ANKFN1: variants seen among roughly 807,000 people sequenced by gnomAD.
ANKFN1 encodes ankyrin repeat and fibronectin type III domain containing 1.
Under a neutral mutation model 108.7 loss-of-function variants are expected in ANKFN1, and 74 were observed. The observed-to-expected ratio is 0.68, with a 90% confidence interval of 0.56 to 0.83. ANKFN1 has a LOEUF of 0.83. Ranked by LOEUF, ANKFN1 falls within the 40% of genes least tolerant of loss-of-function variation. The pLI, the probability that ANKFN1 is intolerant of heterozygous loss-of-function variation, is 0.00. For synonymous variants in ANKFN1, 547 were observed against 516.2 expected (o/e 1.06, Z -0.81); for missense variants, 1,505 against 1,382.3 (o/e 1.09, Z -1.41).
At chr17:56,065,350 G>A (rs1483722715) in intron 4 of ANKFN1, among the ~76,000 whole-genome samples, 1 of 152,202 alleles carries the variant, frequency 6.6e-6, no homozygotes, top group Non-Finnish European at 1.5e-5. Context: ...CTCCATATCA[G>A]CAGTAAGGCT....
chr17:56,331,058 TCTAA>T (rs2045649203), intron 4 of ANKFN1, among the ~76,000 whole-genome samples: 1 of 151,930 alleles, frequency 6.6e-6, no homozygotes, highest in African/African-American at 2.4e-5. Flanking sequence ...ATGGAAAGAG[TCTAA>T]CTTTCTTTTC....
chr17:56,166,188 T>A (rs1910116209), intron 1 of ANKFN1, among the ~76,000 whole-genome samples: 1 of 152,196 alleles, frequency 6.6e-6, no homozygotes, highest in Non-Finnish European at 1.5e-5. Context: ...CATGTGACCT[T>A]GGAAGAGCTA....
Position 56,373,631 on chromosome 17 carries a change from A to G in ANKFN1, c.796+791A>G, listed in dbSNP as rs899532499. 2.0e-5 allele frequency among the ~76,000 whole-genome samples: 3 copies of G among 152,232 alleles called. No individual in the cohort carries two copies. In the East Asian group the frequency reaches 5.8e-4, roughly 29 times the overall value. On this transcript the variant is annotated intron_variant, in intron 7 of 20. Coordinates refer to ENST00000682825, the MANE Select transcript of ANKFN1 (RefSeq NM_001370326.1). ...TTAGTTGTGATGTAGACAAAGACCAAAGACAGTGATGATGTTTTCTTAAGT... is the reference window on the plus strand; with the variant it reads ...TTAGTTGTGATGTAGACAAAGACCAGAGACAGTGATGATGTTTTCTTAAGT...
intron 1 of ANKFN1, among the ~76,000 whole-genome samples, chr17:56,160,316 A>C (rs1909531695): frequency 6.6e-6 from 1 of 152,240 alleles, no homozygotes; most frequent in Admixed American, 6.5e-5. Flanking sequence ...GATAAAAATT[A>C]CAAACTCTGC....
At chr17:56,470,188 T>C (rs144267068) in intron 15 of ANKFN1, among the ~76,000 whole-genome samples, 205 of 152,348 alleles carry the variant, frequency 1.3e-3, no homozygotes, top group African/African-American at 4.7e-3. Context: ...CAGTCTATCA[T>C]TGATGGGCAT....
At chr17:56,414,002 T>C (rs560342569) in intron 8 of ANKFN1, among the ~76,000 whole-genome samples, 15 of 152,270 alleles carry the variant, frequency 9.9e-5, no homozygotes, top group African/African-American at 1.4e-4. Flanking sequence ...TTCATTTGTA[T>C]AGGTTGAACC....
At chr17:56,074,181 T>C (rs1041383716) in intron 4 of ANKFN1, among the ~76,000 whole-genome samples, 20 of 152,218 alleles carry the variant, frequency 1.3e-4, no homozygotes, top group Non-Finnish European at 1.9e-4. Context: ...GGATAAAATA[T>C]GCAGGGATTT....
intron 8 of ANKFN1, among the ~76,000 whole-genome samples, chr17:56,423,510 G>T (rs2048472237): frequency 6.6e-6 from 1 of 152,164 alleles, no homozygotes. Context: ...CTTCAGCATT[G>T]CGTACAAGGC....
intron 3 of ANKFN1, among the ~76,000 whole-genome samples, chr17:56,312,351 G>A (rs2045054828): frequency 6.6e-6 from 1 of 152,150 alleles, no homozygotes; most frequent in African/African-American, 2.4e-5. Context: ...TGCCTATCTA[G>A]TCTAGACCCA....
At chr17:56,115,961 C>T (rs1373416284) in intron 4 of ANKFN1, among the ~76,000 whole-genome samples, 2 of 152,170 alleles carry the variant, frequency 1.3e-5, no homozygotes, top group African/African-American at 4.8e-5. Flanking sequence ...TAGAGGACAA[C>T]ACTGAATGTT....
At chr17:56,503,510 T>TATAG (rs2051449084) in intron 20 of ANKFN1, among the ~76,000 whole-genome samples, 1 of 136,496 alleles carries the variant, frequency 7.3e-6, no homozygotes, top group Non-Finnish European at 1.5e-5. Flanking sequence ...TATATATATA[T>TATAG]ATATATATAT....
At chr17:56,324,926 G>T (rs1194611187) in intron 3 of ANKFN1, among the ~76,000 whole-genome samples, 1 of 152,214 alleles carries the variant, frequency 6.6e-6, no homozygotes, top group Admixed American at 6.5e-5. Context: ...ACCTGTTGGG[G>T]GTGAGCGAGC....
At chr17:56,205,064 G>A (rs890680052) in intron 1 of ANKFN1, among the ~76,000 whole-genome samples, 1 of 151,878 alleles carries the variant, frequency 6.6e-6, no homozygotes, top group African/African-American at 2.4e-5. Flanking sequence ...GCGACAGAGC[G>A]GGACTCCGTC....
At chr17:56,444,552 G>A (rs554914949) in intron 10 of ANKFN1, among the ~76,000 whole-genome samples, 2 of 152,176 alleles carry the variant, frequency 1.3e-5, no homozygotes, top group East Asian at 3.9e-4. Context: ...CTTGTAACTA[G>A]GCATCATTGT....
chr17:56,302,857 C>T (rs2044713909), intron 3 of ANKFN1, among the ~76,000 whole-genome samples: 1 of 152,120 alleles, frequency 6.6e-6, no homozygotes, highest in African/African-American at 2.4e-5. Flanking sequence ...ACATACCTAC[C>T]AGATCCCTTT....
At chr17:56,281,927 A>C (rs778553277) in intron 3 of ANKFN1, among the ~76,000 whole-genome samples, 1 of 152,146 alleles carries the variant, frequency 6.6e-6, no homozygotes, top group Non-Finnish European at 1.5e-5. Flanking sequence ...CTATTTGGTA[A>C]TTGATTATAA....
intron 3 of ANKFN1, among the ~76,000 whole-genome samples, chr17:56,276,055 C>T (rs2043923901): frequency 6.6e-6 from 1 of 151,988 alleles, no homozygotes; most frequent in Non-Finnish European, 1.5e-5. Context: ...TGTGACATTC[C>T]CCACCCTGTG....
At chr17:56,259,517 C>T (rs899016976) in intron 3 of ANKFN1, among the ~76,000 whole-genome samples, 1 of 152,118 alleles carries the variant, frequency 6.6e-6, no homozygotes, top group African/African-American at 2.4e-5. Context: ...TACTCTTAGA[C>T]TTCTGTTTCC....
At chr17:56,432,462 G>T (rs2048789626) in intron 8 of ANKFN1, among the ~76,000 whole-genome samples, 1 of 152,180 alleles carries the variant, frequency 6.6e-6, no homozygotes, top group South Asian at 2.1e-4. Context: ...ATGAAGCATG[G>T]TTAGTCCTGT....
Sources: allele counts gnomAD v4.1 joint callset (sites outside exome capture counted in the v4.1 genomes callset), GRCh38; gene constraint gnomAD v4.1.1; transcripts MANE v1.5; gene names NCBI Gene and HGNC (gene_info 2026-07-23, HGNC 2026-07-21).